Variants in ITK observed in about 807,000 individuals in gnomAD.
The protein encoded by ITK is IL2 inducible T cell kinase.
In ITK, 45 loss-of-function variants were observed where a neutral mutation model predicts 87.6. That is an observed-to-expected ratio of 0.51 (90% CI 0.40 to 0.66). The LOEUF is 0.66. Among genes scored for constraint, ITK ranks in the 30% least tolerant of loss-of-function variants. ITK has a pLI of 0.00. For synonymous variants in ITK, 303 were observed against 273.6 expected (o/e 1.11, Z -1.06); for missense variants, 605 against 766.3 (o/e 0.79, Z 2.48).
At position 157,232,327 on chromosome 5, in the gene ITK, TC is replaced by T; in HGVS notation, c.714-11del. ...AAATATGTCATTGACATATGACTTT[TC>T]CTTGCTTTCAGGTGGTACAATAAGA... On this transcript the variant is annotated splice_polypyrimidine_tract_variant and intron_variant, in intron 7 of 16. Coordinates refer to ENST00000422843, the MANE Select transcript of ITK (RefSeq NM_005546.4). The T allele has an allele frequency of 6.3e-7, 1 of 1,596,118 alleles. No individual in the cohort carries two copies. Among genetic ancestry groups the T allele is most frequent in the Non-Finnish European group, 8.6e-7 (1 of 1,164,222 alleles).
chr5:157,204,403 T>G (rs1215784666), intron 1 of ITK, among the ~76,000 whole-genome samples: 2 of 151,184 alleles, frequency 1.3e-5, no homozygotes, highest in Admixed American at 6.6e-5. Flanking sequence ...TCTACTAAAA[T>G]ACAAAAAAAA....
chr5:157,211,881 C>T (rs937831929), intron 3 of ITK, among the ~76,000 whole-genome samples: 3 of 152,208 alleles, frequency 2.0e-5, no homozygotes, highest in Non-Finnish European at 4.4e-5. Flanking sequence ...GATAACAGCA[C>T]CTGCCTTTGG....
At chr5:157,213,178 C>A (rs1374971424) in intron 3 of ITK, among the ~76,000 whole-genome samples, 2 of 152,164 alleles carry the variant, frequency 1.3e-5, no homozygotes, top group Admixed American at 1.3e-4. Context: ...ACCTTATTCA[C>A]AAGGTGGCAG....
chr5:157,188,500 C>T lies in ITK; in HGVS notation c.138+7385C>T, dbSNP rs989101065. Reference sequence around the variant, plus strand: ...GTCTCAGCAGGGCCTTTGTACAGGGCCAGGACTAGGGTGAGACAAGTGAGA... The same window carrying T: ...GTCTCAGCAGGGCCTTTGTACAGGGTCAGGACTAGGGTGAGACAAGTGAGA... On this transcript the variant is annotated intron_variant, in intron 1 of 16. Coordinates refer to ENST00000422843, the MANE Select transcript of ITK (RefSeq NM_005546.4). 3.9e-5 allele frequency among the ~76,000 whole-genome samples: 6 copies of T among 152,132 alleles called. No homozygotes were observed. In the South Asian group the frequency reaches 8.3e-4, roughly 21 times the overall value.
At chr5:157,193,063 A>C (rs966580657) in intron 1 of ITK, among the ~76,000 whole-genome samples, 1 of 152,094 alleles carries the variant, frequency 6.6e-6, no homozygotes, top group Non-Finnish European at 1.5e-5. Context: ...AAAAACAAAA[A>C]ATAAAAAAAT....
chr5:157,239,614 A>T (rs1754847283), intron 9 of ITK, among the ~76,000 whole-genome samples: 2 of 152,220 alleles, frequency 1.3e-5, no homozygotes, highest in Non-Finnish European at 2.9e-5. Context: ...GCCAAGGGTT[A>T]ACCATGCAAG....
chr5:157,204,103 T>TG (rs1227855658), intron 1 of ITK, among the ~76,000 whole-genome samples: 2 of 152,186 alleles, frequency 1.3e-5, no homozygotes, highest in Non-Finnish European at 2.9e-5. Context: ...CTGAAACATA[T>TG]GGGCCCAAGT....
chr5:157,225,614 A>G (rs771028363), intron 6 of ITK, among the ~76,000 whole-genome samples: 19 of 152,206 alleles, frequency 1.2e-4, no homozygotes, highest in Non-Finnish European at 2.8e-4. Flanking sequence ...GAGACAGGGT[A>G]AAACGTGATG....
chr5:157,233,943 ATATATATATATATATATATATTTTTT>A, intron 8 of ITK, among the ~76,000 whole-genome samples: 1 of 13,294 alleles, frequency 7.5e-5, no homozygotes, highest in African/African-American at 2.7e-4. Context: ...ATATATATAT[ATATATATATATATATATATATTTTTT>A]TTTTTTTTTT....
At chr5:157,205,975 C>CTTTTTTTTTTTTTTTTTTTTTTGTTTTTT in intron 1 of ITK, among the ~76,000 whole-genome samples, 1 of 111,498 alleles carries the variant, frequency 9.0e-6, no homozygotes, top group Non-Finnish European at 1.8e-5. Context: ...AAGGATTAGC[C>CTTTTTTTTTTTTTTTTTTTTTTGTTTTTT]TTTTTTTTTT....
rs1754980406 is a variant in ITK at position 157,244,435 on chromosome 5, G to T, written c.1406G>T (p.Gly469Val). 1.2e-6 allele frequency: 2 copies of T among 1,613,602 alleles called. No individual in the cohort carries two copies. The highest frequency in any genetic ancestry group is 8.5e-7 in the Non-Finnish European group (1 of 1,179,620). Reference protein sequence around the residue: ...LLGMCLDVCEGMAYLEEACVI... With the variant: ...LLGMCLDVCEVMAYLEEACVI... ...GGCATGTGTCTGGATGTGTGTGAGG[G>T]CATGGCCTACCTGGAAGAGGCATGT... Residue 469 changes from glycine to valine, a missense_variant, in exon 13 of 17, where the codon GGC (glycine) becomes GTC (valine). Physicochemically the swap from Gly to Val is moderately radical, Grantham distance 109. Transcript: ENST00000422843.
At chr5:157,185,090 G>A (rs1027208509) in intron 1 of ITK, among the ~76,000 whole-genome samples, 1 of 152,086 alleles carries the variant, frequency 6.6e-6, no homozygotes, top group Non-Finnish European at 1.5e-5. Context: ...GTGGGGAGAT[G>A]GTCCCCTTTC....
chr5:157,251,465 G>A (rs1219095273), intron 16 of ITK, among the ~76,000 whole-genome samples: 1 of 152,074 alleles, frequency 6.6e-6, no homozygotes, highest in African/African-American at 2.4e-5. Flanking sequence ...TCATTCTCTT[G>A]ACAGTGTCTT....
At chr5:157,233,964 T>TATATATATATATATATATATATA (rs1491125187) in intron 8 of ITK, among the ~76,000 whole-genome samples, 6 of 16,906 alleles carry the variant, frequency 3.5e-4, no homozygotes, top group Admixed American at 2.6e-3. Context: ...TATATATATA[T>TATATATATATATATATATATATA]TTTTTTTTTT....
intron 1 of ITK, among the ~76,000 whole-genome samples, chr5:157,189,111 A>G (rs926085527): frequency 6.6e-6 from 1 of 152,222 alleles, no homozygotes; most frequent in African/African-American, 2.4e-5. Context: ...AAAGGGCCCA[A>G]GCAAAGTACT....
chr5:157,222,687 C>T, intron 5 of ITK, 176 bp from the exon 6 acceptor site: 1 of 652,978 alleles, frequency 1.5e-6, no homozygotes, highest in Non-Finnish European at 2.7e-6. Flanking sequence ...ATAGAATGAG[C>T]AATGTGATGA....
chr5:157,197,012 T>C (rs1753865838), intron 1 of ITK, among the ~76,000 whole-genome samples: 2 of 152,212 alleles, frequency 1.3e-5, no homozygotes, highest in Admixed American at 1.3e-4. Context: ...CTTTTCTCTC[T>C]GCTCCCTTTT....
At chr5:157,193,201 A>G (rs145516333) in intron 1 of ITK, among the ~76,000 whole-genome samples, 1 of 152,344 alleles carries the variant, frequency 6.6e-6, no homozygotes, top group Non-Finnish European at 1.5e-5. Context: ...AGCCTGGGCT[A>G]CAGAGCGAGA....
chr5:157,181,735 C>T (rs186580153), intron 1 of ITK, among the ~76,000 whole-genome samples: 2 of 152,328 alleles, frequency 1.3e-5, no homozygotes, highest in Admixed American at 1.3e-4. Flanking sequence ...CTTCTTAGGA[C>T]ACCAGGGTTA....
Sources: gnomAD v4.1 joint callset for allele counts (sites outside exome capture counted in the v4.1 genomes callset) on GRCh38, gnomAD v4.1.1 for gene constraint, MANE v1.5 for transcripts, NCBI Gene and HGNC (gene_info 2026-07-23, HGNC 2026-07-21) for gene names.